The following BBS2 variants were observed in gnomAD, a reference collection of about 807,000 sequenced individuals.
BBS2 encodes Bardet-Biedl syndrome 2, also known as BBSome complex member BBS2.
BBS2 carries 62 observed loss-of-function variants against 83.0 expected under a neutral mutation model. That is an observed-to-expected ratio of 0.75 (90% CI 0.61 to 0.92). The LOEUF (loss-of-function observed/expected upper bound fraction) is 0.92, where lower values mean the gene tolerates loss of function less well. BBS2 is among the 40% of genes least tolerant of loss of function. The pLI, the probability that BBS2 is intolerant of heterozygous loss-of-function variation, is 0.00. For missense variants in BBS2, 784 were observed against 901.0 expected (o/e 0.87, Z 1.66); for synonymous variants, 303 against 326.1 (o/e 0.93, Z 0.76).
chr16:56,500,856 G>A lies in BBS2; in HGVS notation c.1395C>T (p.Ser465=). 3 of 1,614,022 alleles carry A rather than the reference G, an allele frequency of 1.9e-6. No individual in the cohort carries two copies. Among genetic ancestry groups the A allele is most frequent in the Non-Finnish European group, 2.5e-6 (3 of 1,179,966 alleles). Reference sequence around the variant, plus strand: ...AACTGTGACTTGCAAAGGGTCACCTGCTTCTGTAACCCACGAATGCCTTCA... The same window carrying A: ...AACTGTGACTTGCAAAGGGTCACCTACTTCTGTAACCCACGAATGCCTTCA... ...LHLKAFVGYR[S]STQFHVFEST... The change falls in exon 11 of 17, where the codon AGC becomes AGT. Residue 465 remains serine (S), a splice_region_variant and synonymous_variant. Transcript: ENST00000245157.
At chr16:56,500,404 T>A (rs978491211) in intron 11 of BBS2, 26 of 244,928 alleles carry the variant, frequency 1.1e-4, no homozygotes, top group Non-Finnish European at 4.8e-5. Flanking sequence ...GGCGGGTGGA[T>A]CACCTGAGGT....
intron 9 of BBS2, 197 bp from the exon 10 acceptor site, chr16:56,501,694 C>T: frequency 2.9e-6 from 2 of 693,580 alleles, no homozygotes; most frequent in East Asian, 2.8e-5. Context: ...TGGGAAAATA[C>T]CCTTGCATCT....
chr16:56,500,920 G>C lies in BBS2; in HGVS notation c.1331C>G (p.Pro444Arg), dbSNP rs1423427998. ...AGGGACATCTTTGGGAGGCACAATA[G>C]GGATGCAGATGGAACTGGAGAGGTT... is the stretch of plus-strand genomic sequence containing the variant. The part of the protein sequence containing the change: ...IHNLSSSICI[P>R]IVPPKDVPVD... Residue 444 changes from proline to arginine, a missense_variant, in exon 11 of 17, where the codon CCT (proline) becomes CGT (arginine). By Grantham distance (103) the Pro-to-Arg change is moderately radical. Coordinates refer to ENST00000245157, the MANE Select transcript of BBS2 (RefSeq NM_031885.5). 2 of 1,614,078 alleles carry C rather than the reference G, an allele frequency of 1.2e-6. No homozygotes were observed. The highest frequency in any genetic ancestry group is 2.2e-5 in the East Asian group (1 of 44,892).
Position 56,503,919 on chromosome 16 carries a change from C to CAA in BBS2, c.805-1113_805-1112dup, listed in dbSNP as rs11379537. On this transcript the variant is annotated intron_variant, in intron 7 of 16. Transcript: ENST00000245157. ...GGGTGACAAAGCGAGACTCCAGTCT[C>CAA]AAAAAAAAAAAAAAAGATGATTATG... Among the ~76,000 whole-genome samples, 60 of 109,172 alleles carry CAA rather than the reference C, an allele frequency of 5.5e-4. 1 individual carries two copies. The Middle Eastern group carries it at 0.016, about 30-fold the overall frequency. The allele number at this position is 109,172 out of a possible 152,430, so 71.6% of individuals were successfully genotyped here. A position where few individuals can be genotyped will look rare whatever the true frequency, so the allele number is the denominator to read the frequency against.
chr16:56,488,381 T>C (rs1162501124), intron 15 of BBS2, among the ~76,000 whole-genome samples: 1 of 149,010 alleles, frequency 6.7e-6, no homozygotes, highest in African/African-American at 2.5e-5. Flanking sequence ...ACTGATCTGC[T>C]TCAAGTTAGG....
chr16:56,493,022 C>T (rs1487872384), intron 15 of BBS2, among the ~76,000 whole-genome samples: 1 of 151,854 alleles, frequency 6.6e-6, no homozygotes, highest in Non-Finnish European at 1.5e-5. Flanking sequence ...ACTATGTAGC[C>T]GTAAAGACAA....
intron 7 of BBS2, 57 bp downstream of exon 7, chr16:56,505,893 T>C: frequency 1.5e-6 from 2 of 1,346,960 alleles, no homozygotes; most frequent in African/African-American, 2.9e-5. Flanking sequence ...CTACAGCCAA[T>C]ACACCTTGGA....
At position 56,494,258 on chromosome 16, in the gene BBS2, G is replaced by A. The variant is rs147755078; in HGVS notation, c.1910+2709C>T. On this transcript the variant is annotated intron_variant, in intron 15 of 16. Transcript: ENST00000245157. ...GCTGGGATTACAAGTGTAAACTACC[G>A]TGCCCAACCTGAAGCCATGATTTTC... 4.7e-3 allele frequency among the ~76,000 whole-genome samples: 698 copies of A among 149,762 alleles called. 12 individuals carry two copies. The highest frequency in any genetic ancestry group is 0.026 in the Admixed American group (385 of 14,826).
rs1288699870 is a variant in BBS2, at chr16:56,519,801, A to G, written c.62T>C (p.Ile21Thr). 3 of 1,613,660 alleles carry G rather than the reference A, an allele frequency of 1.9e-6. No homozygotes were observed. The highest frequency in any genetic ancestry group is 2.5e-6 in the Non-Finnish European group (3 of 1,179,828). The change falls in exon 1 of 17, where the codon ATA becomes ACA. Residue 21 changes from isoleucine to threonine, a missense_variant. Transcript: ENST00000245157. Reference sequence around the variant, plus strand: ...CGGGTGAGTCCCGTCGTAGCGCCCTATGGCCACCATTCGGGGGCTGATTTT... The same window carrying G: ...CGGGTGAGTCCCGTCGTAGCGCCCTGTGGCCACCATTCGGGGGCTGATTTT... Reference protein sequence around the residue: ...RHKISPRMVAIGRYDGTHPCL... With the variant: ...RHKISPRMVATGRYDGTHPCL...
chr16:56,483,760 G>A (rs975495780), downstream of BBS2, among the ~76,000 whole-genome samples: 2 of 151,482 alleles, frequency 1.3e-5, no homozygotes, highest in African/African-American at 4.9e-5. Flanking sequence ...GAGTGCAGTG[G>A]TGCAATCTTG....
chr16:56,493,350 C>T (rs1964017114), intron 15 of BBS2, among the ~76,000 whole-genome samples: 1 of 121,048 alleles, frequency 8.3e-6, no homozygotes, highest in Non-Finnish European at 1.6e-5. Context: ...TGCATCACTA[C>T]ATTCCAGCCT....
intron 17 of BBS2, among the ~76,000 whole-genome samples, chr16:56,474,414 G>A (rs753200161): frequency 2.7e-4 from 40 of 148,806 alleles, no homozygotes; most frequent in Non-Finnish European, 8.9e-5. Flanking sequence ...TCTGCCACCC[G>A]GGCTCAAGCA....
intron 3 of BBS2, 29 bp downstream of exon 3, chr16:56,511,130 T>C: frequency 6.2e-7 from 1 of 1,613,558 alleles, no homozygotes; most frequent in Non-Finnish European, 8.5e-7. Context: ...TGCTTAAGGG[T>C]ACCAAAAAGA....
chr16:56,507,364 C>T lies in BBS2; in HGVS notation c.613-1140G>A, dbSNP rs139358281. ...TCAACAAGTCCCCTCAAATCCCTAA[C>T]TCTATTCCAGGTTCTTGTCCTCTTT... On this transcript the variant is annotated intron_variant, in intron 5 of 16. Coordinates refer to ENST00000245157, the MANE Select transcript of BBS2 (RefSeq NM_031885.5). Among the ~76,000 whole-genome samples the T allele has an allele frequency of 2.0e-3, 304 of 152,332 alleles. 2 individuals are homozygous for T. The highest frequency in any genetic ancestry group is 4.4e-3 in the African/African-American group (183 of 41,558).
Position 56,490,781 on chromosome 16 carries a change from A to G in BBS2, c.1911-5043T>C, listed in dbSNP as rs559576724. Among the ~76,000 whole-genome samples the G allele has an allele frequency of 2.1e-4, 31 of 148,532 alleles. No individual in the cohort carries two copies. In the South Asian group the frequency reaches 6.7e-3, roughly 32 times the overall value. ...AGTAAAGCAAAATTTTTTTTTTTTG[A>G]GATGGAGTCTCACTCTGTCACCCAG... On this transcript the variant is annotated intron_variant, in intron 15 of 16. Coordinates refer to ENST00000245157, the MANE Select transcript of BBS2 (RefSeq NM_031885.5).
downstream of BBS2, among the ~76,000 whole-genome samples, chr16:56,482,938 G>A (rs1567562687): frequency 6.6e-6 from 1 of 152,162 alleles, no homozygotes; most frequent in East Asian, 1.9e-4. Flanking sequence ...AAAAGAAGAA[G>A]ACATGTTTCC....
At chr16:56,490,763 C>CA (rs1313111564) in intron 15 of BBS2, among the ~76,000 whole-genome samples, 4 of 149,658 alleles carry the variant, frequency 2.7e-5, no homozygotes, top group Middle Eastern at 3.4e-3. Flanking sequence ...AACAGTAAAG[C>CA]AAAATTTTTT....
downstream of BBS2, among the ~76,000 whole-genome samples, chr16:56,480,457 C>G (rs1963643749): frequency 6.6e-6 from 1 of 151,450 alleles, no homozygotes; most frequent in Non-Finnish European, 1.5e-5. Flanking sequence ...TCTCTGTCAC[C>G]CAGGCTGGAG....
chr16:56,497,929 AACTTAGCTAAAATAGT>A, intron 13 of BBS2, 49 bp from the exon 14 acceptor site: 1 of 1,584,734 alleles, frequency 6.3e-7, no homozygotes, highest in Non-Finnish European at 8.6e-7. Flanking sequence ...ATGTTAGACA[AACTTAGCTAAAATAGT>A]ACCTGAATTT....
Sources: gnomAD v4.1 joint callset for allele counts (sites outside exome capture counted in the v4.1 genomes callset) on GRCh38, gnomAD v4.1.1 for gene constraint, MANE v1.5 for transcripts, NCBI Gene and HGNC (gene_info 2026-07-23, HGNC 2026-07-21) for gene names.